The following TRMT11 variants were observed in gnomAD, a reference collection of about 807,000 sequenced individuals.
The protein encoded by TRMT11 is tRNA methyltransferase 11.
TRMT11 carries 53 observed loss-of-function variants against 62.8 expected under a neutral mutation model. The ratio of observed to expected loss-of-function variants is 0.84; its 90% confidence interval spans 0.68 to 1.06. The LOEUF is 1.06. Ranked by LOEUF, TRMT11 falls within the 50% of genes least tolerant of loss-of-function variation. TRMT11 has a pLI of 0.00. For missense variants in TRMT11, 556 were observed against 553.4 expected (o/e 1.00, Z -0.05); for synonymous variants, 188 against 190.3 (o/e 0.99, Z 0.10).
At chr6:126,203,213 A>C (rs551794870), downstream of TRMT11, among the ~76,000 whole-genome samples, 1 of 152,306 alleles carries the variant, frequency 6.6e-6, no homozygotes, top group Non-Finnish European at 1.5e-5. Flanking sequence ...TGCTGTCTTG[A>C]CAGTCTCAGT....
chr6:126,222,621 C>A, the TRMT11 span, among the ~76,000 whole-genome samples: 17 of 151,950 alleles, frequency 1.1e-4, no homozygotes, highest in East Asian at 3.3e-3. Context: ...ATTTGTCTCT[C>A]AACTTGGACT....
chr6:126,138,127 A>G (rs1033289259), intron 21 of TRMT11, among the ~76,000 whole-genome samples: 2 of 151,990 alleles, frequency 1.3e-5, no homozygotes, highest in Non-Finnish European at 2.9e-5. Flanking sequence ...TGTTCCCATC[A>G]CAAAGAAAAG....
At chr6:126,096,413 C>A (rs1299044317) in intron 17 of TRMT11, among the ~76,000 whole-genome samples, 2 of 152,158 alleles carry the variant, frequency 1.3e-5, no homozygotes, top group Admixed American at 6.5e-5. Flanking sequence ...GTGGTGTTTT[C>A]TACTTCTGTA....
intron 1 of TRMT11, among the ~76,000 whole-genome samples, chr6:125,988,716 A>G (rs530240895): frequency 6.6e-6 from 1 of 152,186 alleles, no homozygotes; most frequent in Non-Finnish European, 1.5e-5. Context: ...GATTGAGTGG[A>G]GAAGAGCATA....
At chr6:126,243,776 C>T in the TRMT11 span, among the ~76,000 whole-genome samples, 2 of 152,118 alleles carry the variant, frequency 1.3e-5, no homozygotes, top group East Asian at 3.9e-4. Flanking sequence ...TCCCCGGGGC[C>T]TGTTGTGGGG....
At chr6:126,180,740 T>G (rs1401440679) in intron 1 of TRMT11, among the ~76,000 whole-genome samples, 2 of 152,200 alleles carry the variant, frequency 1.3e-5, no homozygotes, top group African/African-American at 4.8e-5. Flanking sequence ...GATGCCTTAG[T>G]CACTTGGCCA....
chr6:126,257,460 C>T, the TRMT11 span, among the ~76,000 whole-genome samples: 24 of 151,890 alleles, frequency 1.6e-4, no homozygotes, highest in African/African-American at 4.6e-4. Flanking sequence ...CTATAGTTTT[C>T]TTTTTGTTGT....
chr6:126,257,713 C>A, the TRMT11 span, among the ~76,000 whole-genome samples: 1 of 151,976 alleles, frequency 6.6e-6, no homozygotes. Context: ...TATTAAAGGT[C>A]CTGCGCCACA....
chr6:126,231,126 G>C, the TRMT11 span, among the ~76,000 whole-genome samples: 1 of 152,094 alleles, frequency 6.6e-6, no homozygotes, highest in African/African-American at 2.4e-5. Flanking sequence ...GCTTGAGTTA[G>C]CATTTTTTAA....
rs1380897590 is a variant in TRMT11 at position 126,050,670 on chromosome 6, G to GTGTGGGTGACACAGTGAGA, written c.*1370-2447_*1370-2429dup. On this transcript the variant is annotated intron_variant and NMD_transcript_variant, in intron 16 of 22. Coordinates refer to the TRMT11 transcript ENST00000648977. Reference sequence around the variant, plus strand: ...ACTGTGATTATGCCACTGCACTCCAGTGTGGGTGACACAGTGAGATGTGGT... The same window carrying GTGTGGGTGACACAGTGAGA: ...ACTGTGATTATGCCACTGCACTCCAGTGTGGGTGACACAGTGAGATGTGGGTGACACAGTGAGATGTGGT... Among the ~76,000 whole-genome samples the GTGTGGGTGACACAGTGAGA allele has an allele frequency of 5.9e-5, 9 of 151,896 alleles. No homozygotes were observed. In the East Asian group the frequency reaches 1.5e-3, roughly 26 times the overall value.
chr6:126,022,521 C>T (rs868514062), intron 12 of TRMT11, among the ~76,000 whole-genome samples: 1 of 152,114 alleles, frequency 6.6e-6, no homozygotes, highest in South Asian at 2.1e-4. Flanking sequence ...CTAATTTAGA[C>T]CCTTATTACC....
the TRMT11 span, among the ~76,000 whole-genome samples, chr6:126,269,262 TC>T: frequency 9.7e-5 from 5 of 51,606 alleles, no homozygotes; most frequent in Non-Finnish European, 1.3e-4. Flanking sequence ...AGACTCCGTC[TC>T]AAAAAAAAAA....
At chr6:126,082,803 TAAA>T (rs1485680679) in intron 17 of TRMT11, among the ~76,000 whole-genome samples, 1 of 152,104 alleles carries the variant, frequency 6.6e-6, no homozygotes, top group Non-Finnish European at 1.5e-5. Flanking sequence ...TTTCAACAGA[TAAA>T]GAAGCAGGTA....
Position 126,002,786 on chromosome 6 carries a change from G to A in TRMT11, c.679+3173G>A, listed in dbSNP as rs565722034. On this transcript the variant is annotated intron_variant, in intron 7 of 12. Coordinates refer to ENST00000334379, the MANE Select transcript of TRMT11 (RefSeq NM_001031712.3). ...CAGCCTGTTCTCCCACCTATCCTAG[G>A]TGACTAACTTCATTGTTTTCTAGTT... 1.2e-4 allele frequency among the ~76,000 whole-genome samples: 19 copies of A among 152,100 alleles called. No individual in the cohort carries two copies. The South Asian group carries it at 3.3e-3, about 27-fold the overall frequency.
downstream of TRMT11, among the ~76,000 whole-genome samples, chr6:126,203,919 T>TG (rs1778765147): frequency 6.9e-5 from 10 of 144,490 alleles, no homozygotes; most frequent in African/African-American, 2.0e-4. Context: ...GATCATCATT[T>TG]TGTGTGTGTG....
In TRMT11 at chr6:125,993,824, T is replaced by G; in HGVS notation, c.138+2T>G. 6.2e-7 allele frequency: 1 copy of G among 1,601,004 alleles called. No homozygotes were observed. The highest frequency in any genetic ancestry group is 1.3e-5 in the African/African-American group (1 of 74,706). ...AGCAGTCAAGAAACTTATGGAAAGGTAAGTTAAATTTTCATTAGACCATAT... is the reference window on the plus strand; with the variant it reads ...AGCAGTCAAGAAACTTATGGAAAGGGAAGTTAAATTTTCATTAGACCATAT... On this transcript the variant is annotated splice_donor_variant, in intron 2 of 12. Transcript: ENST00000334379. LOFTEE classifies it high-confidence loss of function.
chr6:126,105,192 G>A (rs935481490), intron 17 of TRMT11, among the ~76,000 whole-genome samples: 1 of 152,132 alleles, frequency 6.6e-6, no homozygotes, highest in African/African-American at 2.4e-5. Flanking sequence ...TCCATGGACT[G>A]AGCTTGGCAC....
chr6:126,065,096 A>G (rs894830761), intron 17 of TRMT11, among the ~76,000 whole-genome samples: 3 of 152,136 alleles, frequency 2.0e-5, no homozygotes, highest in African/African-American at 7.2e-5. Flanking sequence ...ATAATATCTC[A>G]CTCACAAAAC....
At chr6:126,013,196 A>C in intron 11 of TRMT11, 95 bp downstream of exon 11, 1 of 1,116,666 alleles carries the variant, frequency 9.0e-7, no homozygotes, top group Non-Finnish European at 1.3e-6. Context: ...CATTTGGTGC[A>C]TCTTTATATT....
Sources: allele counts gnomAD v4.1 joint callset (sites outside exome capture counted in the v4.1 genomes callset), GRCh38; gene constraint gnomAD v4.1.1; transcripts MANE v1.5; gene names NCBI Gene and HGNC (gene_info 2026-07-23, HGNC 2026-07-21).